OSBPL6: variants seen among roughly 807,000 people sequenced by gnomAD.
OSBPL6 encodes oxysterol binding protein like 6, also known as oxysterol-binding protein-related protein 6.
OSBPL6 carries 49 observed loss-of-function variants against 125.8 expected under a neutral mutation model. The observed-to-expected ratio is 0.39, with a 90% CI of 0.31 to 0.49. The LOEUF is 0.49. Ranked by LOEUF, OSBPL6 falls within the 20% of genes least tolerant of loss-of-function variation. The pLI is 0.88. For synonymous variants in OSBPL6, 394 were observed against 391.8 expected (o/e 1.01, Z -0.07); for missense variants, 986 against 1,135.4 (o/e 0.87, Z 1.89).
rs369258074 is a variant in OSBPL6, at chr2:178,391,892, C to T, written c.2447-520C>T. On this transcript the variant is annotated intron_variant, in intron 22 of 24. Transcript: ENST00000190611. ...AGTAGAGTGGCTAGCTTATTCATTCCGCAACTATTTATTGAGTGCTGGCTG... is the reference window on the plus strand; with the variant it reads ...AGTAGAGTGGCTAGCTTATTCATTCTGCAACTATTTATTGAGTGCTGGCTG... 2.4e-3 allele frequency among the ~76,000 whole-genome samples: 365 copies of T among 152,254 alleles called. 2 individuals carry two copies. The highest frequency in any genetic ancestry group is 0.01 in the Middle Eastern group (3 of 294).
chr2:178,313,564 TAATAA>T (rs1372715143), intron 3 of OSBPL6, among the ~76,000 whole-genome samples: 4 of 151,950 alleles, frequency 2.6e-5, no homozygotes, highest in African/African-American at 9.7e-5. Context: ...AGCTCAGAGA[TAATAA>T]AATAAAGAAC....
intron 1 of OSBPL6, among the ~76,000 whole-genome samples, chr2:178,246,098 G>A (rs2091480129): frequency 6.6e-6 from 1 of 152,070 alleles, no homozygotes; most frequent in Non-Finnish European, 1.5e-5. Flanking sequence ...CTTACCACCT[G>A]CTCTCACCTA....
intron 12 of OSBPL6, among the ~76,000 whole-genome samples, chr2:178,359,323 C>A (rs928293671): frequency 1.3e-5 from 2 of 152,146 alleles, no homozygotes; most frequent in Admixed American, 6.5e-5. Context: ...CATCACTAAT[C>A]ATTAGGGAAA....
At chr2:178,263,655 T>C (rs922090201) in intron 1 of OSBPL6, among the ~76,000 whole-genome samples, 1 of 152,124 alleles carries the variant, frequency 6.6e-6, no homozygotes, top group Non-Finnish European at 1.5e-5. Flanking sequence ...TTGGTAAGTG[T>C]GGTTTTCTGC....
At chr2:178,245,057 G>A (rs2091441632) in intron 1 of OSBPL6, among the ~76,000 whole-genome samples, 1 of 152,130 alleles carries the variant, frequency 6.6e-6, no homozygotes, top group Non-Finnish European at 1.5e-5. Context: ...TGACACGATG[G>A]ATTATACTGC....
chr2:178,361,001 T>C (rs1692302421), intron 12 of OSBPL6, among the ~76,000 whole-genome samples: 1 of 152,238 alleles, frequency 6.6e-6, no homozygotes, highest in Non-Finnish European at 1.5e-5. Flanking sequence ...TAGTTCACGA[T>C]TGAAGACTGC....
intron 1 of OSBPL6, among the ~76,000 whole-genome samples, chr2:178,254,367 T>G (rs1029004600): frequency 6.7e-6 from 1 of 148,838 alleles, no homozygotes; most frequent in African/African-American, 2.5e-5. Flanking sequence ...CACTCCAGCC[T>G]GGGTGACAGT....
intron 1 of OSBPL6, among the ~76,000 whole-genome samples, chr2:178,253,274 G>A (rs2091764613): frequency 6.6e-6 from 1 of 152,094 alleles, no homozygotes; most frequent in African/African-American, 2.4e-5. Context: ...ACCCACCTCG[G>A]CCTCCCAAAG....
At position 178,361,675 on chromosome 2, in the gene OSBPL6, C is replaced by T; in HGVS notation, c.1154-7C>T. 6.2e-7 allele frequency: 1 copy of T among 1,613,234 alleles called. No homozygotes were observed. Among genetic ancestry groups the T allele is most frequent in the Non-Finnish European group, 8.5e-7 (1 of 1,179,542 alleles). ...GACAGTTTTTTCTCACTTTTCTCCC[C>T]ACCCAGTGCATTCTCTTTTGAAGTC... On this transcript the variant is annotated splice_region_variant and splice_polypyrimidine_tract_variant and intron_variant, in intron 12 of 24. Coordinates refer to ENST00000190611, the MANE Select transcript of OSBPL6 (RefSeq NM_032523.4).
At chr2:178,366,736 A>G (rs565629480) in intron 13 of OSBPL6, among the ~76,000 whole-genome samples, 1 of 152,376 alleles carries the variant, frequency 6.6e-6, no homozygotes, top group Admixed American at 6.5e-5. Context: ...TTATTCTGTG[A>G]TGAAATAAAA....
intron 20 of OSBPL6, 57 bp downstream of exon 20, chr2:178,387,196 G>C: frequency 7.4e-7 from 1 of 1,348,476 alleles, no homozygotes; most frequent in South Asian, 1.2e-5. Context: ...ATCATAAATG[G>C]GTATTTTAAA....
intron 1 of OSBPL6, among the ~76,000 whole-genome samples, chr2:178,279,752 G>T (rs1380795426): frequency 6.6e-6 from 1 of 152,166 alleles, no homozygotes; most frequent in Non-Finnish European, 1.5e-5. Flanking sequence ...CTTAACTGGG[G>T]TATTTCTTAG....
rs551515851 is a variant in OSBPL6 at position 178,388,884 on chromosome 2, A to G, written c.2157-125A>G. Reference sequence around the variant, plus strand: ...ACTTAATGACCACAGAGAGAATTTCAAGACACAAATGGGAGGAGAATGAGG... The same window carrying G: ...ACTTAATGACCACAGAGAGAATTTCGAGACACAAATGGGAGGAGAATGAGG... On this transcript the variant is annotated intron_variant, in intron 20 of 24. Coordinates refer to ENST00000190611, the MANE Select transcript of OSBPL6 (RefSeq NM_032523.4). The G allele has an allele frequency of 2.7e-5, 28 of 1,032,132 alleles. No individual in the cohort carries two copies. The South Asian group carries it at 4.3e-4, about 16-fold the overall frequency. The allele number at this position is 1,032,132 out of a possible 1,614,324, so 63.9% of individuals were successfully genotyped here.
chr2:178,362,842 T>C (rs192220495), intron 13 of OSBPL6, among the ~76,000 whole-genome samples: 498 of 152,320 alleles, frequency 3.3e-3, no homozygotes, highest in African/African-American at 0.012. Flanking sequence ...GCTTCCAGTA[T>C]AAAGCCAGGG....
chr2:178,380,456 C>CAAAA lies in OSBPL6; in HGVS notation c.1534-1938_1534-1935dup, dbSNP rs60399092. On this transcript the variant is annotated intron_variant, in intron 15 of 24. Coordinates refer to ENST00000190611, the MANE Select transcript of OSBPL6 (RefSeq NM_032523.4). Reference sequence around the variant, plus strand: ...TGGGCAGCAGAGTAAGAGTCTGTCTCAAAAAAAAAAAAAAAAAAAAAAAAA... The same window carrying CAAAA: ...TGGGCAGCAGAGTAAGAGTCTGTCTCAAAAAAAAAAAAAAAAAAAAAAAAAAAAA... 6.9e-4 allele frequency among the ~76,000 whole-genome samples: 18 copies of CAAAA among 25,986 alleles called. 1 individual carries two copies. Among genetic ancestry groups the CAAAA allele is most frequent in the African/African-American group, 9.2e-4 (6 of 6,552 alleles). The allele number at this position is 25,986 out of a possible 152,430, so 17.0% of individuals were successfully genotyped here.
At position 178,255,632 on chromosome 2, in the gene OSBPL6, AGCT is replaced by A. The variant is rs541769051; in HGVS notation, c.-350-29293_-350-29291del. 7.4e-4 allele frequency among the ~76,000 whole-genome samples: 113 copies of A among 152,344 alleles called. 1 individual carries two copies. The highest frequency in any genetic ancestry group is 2.7e-3 in the African/African-American group (111 of 41,568). ...TTGATTCAGCCATTGGGTACTGCAG[AGCT>A]GGTCTTCAATTCTTACAGACCAATT... On this transcript the variant is annotated intron_variant, in intron 1 of 24. Transcript: ENST00000190611.
At chr2:178,379,328 AAGGAAGGG>A (rs1300584808) in intron 15 of OSBPL6, among the ~76,000 whole-genome samples, 2 of 83,866 alleles carry the variant, frequency 2.4e-5, no homozygotes, top group South Asian at 6.1e-4. Context: ...GAAGGAAGGA[AAGGAAGGG>A]AGGGAGGGAG....
chr2:178,324,375 G>A, intron 4 of OSBPL6, 106 bp downstream of exon 4: 1 of 755,250 alleles, frequency 1.3e-6, no homozygotes, highest in Non-Finnish European at 2.1e-6. Flanking sequence ...TACTTGTGAT[G>A]CCACTTGTAG....
intron 1 of OSBPL6, among the ~76,000 whole-genome samples, chr2:178,264,586 C>T (rs180916563): frequency 3.3e-5 from 5 of 152,276 alleles, no homozygotes; most frequent in Middle Eastern, 3.4e-3. Context: ...TGGTCTTCAA[C>T]GTGATAATTG....
Sources: allele counts gnomAD v4.1 joint callset (sites outside exome capture counted in the v4.1 genomes callset), GRCh38; gene constraint gnomAD v4.1.1; transcripts MANE v1.5; gene names NCBI Gene and HGNC (gene_info 2026-07-23, HGNC 2026-07-21).